The following ACBD6 variants were observed in gnomAD, a reference collection of about 807,000 sequenced individuals.
The protein encoded by ACBD6 is acyl-CoA-binding domain-containing protein 6.
ACBD6 carries 28 observed loss-of-function variants against 37.2 expected under a neutral mutation model. The ratio of observed to expected loss-of-function variants is 0.75; its 90% CI spans 0.56 to 1.03. The LOEUF (loss-of-function observed/expected upper bound fraction) is 1.03. Ranked by LOEUF, ACBD6 falls within the 50% of genes least tolerant of loss-of-function variation. The pLI, the probability that ACBD6 is intolerant of heterozygous loss-of-function variation, is 0.00. For synonymous variants in ACBD6, 113 were observed against 126.8 expected (o/e 0.89, Z 0.73); for missense variants, 340 against 337.4 (o/e 1.01, Z -0.06).
intron 7 of ACBD6, among the ~76,000 whole-genome samples, chr1:180,296,046 A>T (rs2764467): frequency 2.6e-5 from 4 of 152,204 alleles, no homozygotes; most frequent in Non-Finnish European, 5.9e-5. Context: ...GCCAAATAAA[A>T]GTTCTTGAAG....
chr1:180,282,766 T>TAA (rs57263765), intron 8 of ACBD6, among the ~76,000 whole-genome samples: 2 of 148,032 alleles, frequency 1.4e-5, no homozygotes, highest in African/African-American at 4.9e-5. Context: ...GTGCTGGCTT[T>TAA]AAAAAAAAAA....
At chr1:180,455,373 G>A (rs957949081) in intron 3 of ACBD6, among the ~76,000 whole-genome samples, 1 of 152,058 alleles carries the variant, frequency 6.6e-6, no homozygotes, top group African/African-American at 2.4e-5. Context: ...GCCTATCGGG[G>A]GTTGGGGGAC....
At chr1:180,472,779 T>C (rs919238649) in intron 3 of ACBD6, among the ~76,000 whole-genome samples, 3 of 152,188 alleles carry the variant, frequency 2.0e-5, no homozygotes, top group African/African-American at 7.2e-5. Context: ...AATTAATCAT[T>C]ATTATTATTG....
chr1:180,326,758 T>A (rs1651271580), intron 6 of ACBD6, among the ~76,000 whole-genome samples: 1 of 152,136 alleles, frequency 6.6e-6, no homozygotes, highest in African/African-American at 2.4e-5. Context: ...GGCTCTTTAG[T>A]CTGCAGGTGA....
chr1:180,271,832 C>T, exon 14 of ACBD6: 1 of 1,613,714 alleles, frequency 6.2e-7, no homozygotes, highest in South Asian at 1.1e-5. Context: ...GCTTGTGTGG[C>T]AGGTTTGGTT....
intron 3 of ACBD6, among the ~76,000 whole-genome samples, chr1:180,472,781 T>C (rs1334801655): frequency 6.6e-6 from 1 of 152,198 alleles, no homozygotes; most frequent in African/African-American, 2.4e-5. Context: ...TTAATCATTA[T>C]TATTATTGTA....
chr1:180,379,349 A>C (rs1345872851), intron 6 of ACBD6, among the ~76,000 whole-genome samples: 1 of 152,206 alleles, frequency 6.6e-6, no homozygotes, highest in African/African-American at 2.4e-5. Context: ...TGAAAAAGCA[A>C]AGGAATATGA....
chr1:180,464,771 C>T (rs548433794), intron 3 of ACBD6, among the ~76,000 whole-genome samples: 4 of 152,092 alleles, frequency 2.6e-5, no homozygotes, highest in Non-Finnish European at 5.9e-5. Flanking sequence ...AATCACATTA[C>T]CCAACTTGAA....
chr1:180,461,444 T>C (rs779816937), intron 3 of ACBD6, among the ~76,000 whole-genome samples: 1 of 151,942 alleles, frequency 6.6e-6, no homozygotes, highest in South Asian at 2.1e-4. Context: ...GAGAAGATCA[T>C]CTCCAAGACA....
At chr1:180,488,793 C>A (rs1014063173) in intron 3 of ACBD6, among the ~76,000 whole-genome samples, 4 of 152,024 alleles carry the variant, frequency 2.6e-5, no homozygotes, top group Admixed American at 2.6e-4. Context: ...GTTGCCCAGG[C>A]TGCTCTCAAA....
At chr1:180,385,159 A>C (rs1400710131) in intron 6 of ACBD6, among the ~76,000 whole-genome samples, 1 of 151,978 alleles carries the variant, frequency 6.6e-6, no homozygotes, top group African/African-American at 2.4e-5. Flanking sequence ...AGAACCTGAA[A>C]TGTTCTCCAG....
At chr1:180,435,793 G>C in intron 3 of ACBD6, 1 of 918,998 alleles carries the variant, frequency 1.1e-6, no homozygotes, top group Non-Finnish European at 1.8e-6. Context: ...GCTGCTTCTC[G>C]GCTAAAGTGA....
Position 180,424,844 on chromosome 1 carries a change from T to C in ACBD6, c.467+5336A>G, listed in dbSNP as rs542698808. 9.2e-5 allele frequency among the ~76,000 whole-genome samples: 14 copies of C among 152,230 alleles called. No homozygotes were observed. The East Asian group carries it at 2.7e-3, about 29-fold the overall frequency. ...ACCCTTGGTTCAGAAAGGGCTAGAT[T>C]TGTGTACATGCTTGGTTGGCATCAT... On this transcript the variant is annotated intron_variant, in intron 4 of 7. Transcript: ENST00000367595.
In ACBD6 at chr1:180,465,000, C is replaced by A. The variant is rs1260563509; in HGVS notation, c.384+27269G>T. Among the ~76,000 whole-genome samples, 4 of 152,202 alleles carry A rather than the reference C, an allele frequency of 2.6e-5. No homozygotes were observed. In the South Asian group the frequency reaches 6.2e-4, roughly 24 times the overall value. On this transcript the variant is annotated intron_variant, in intron 3 of 7. Transcript: ENST00000367595. ...CCATATATAGAAGATTGAAGCTGAA[C>A]CCCTTCCTTACATCGTACACAAAAA...
chr1:180,476,842 C>CA (rs1650815537), intron 3 of ACBD6, among the ~76,000 whole-genome samples: 1 of 151,648 alleles, frequency 6.6e-6, no homozygotes, highest in Non-Finnish European at 1.5e-5. Context: ...GCACAAAAAA[C>CA]AAAAACAAAC....
At chr1:180,485,650 C>G (rs951124560) in intron 3 of ACBD6, among the ~76,000 whole-genome samples, 1 of 152,196 alleles carries the variant, frequency 6.6e-6, no homozygotes, top group Admixed American at 6.5e-5. Flanking sequence ...TTTCCAACAC[C>G]TCCACAACTG....
intron 6 of ACBD6, among the ~76,000 whole-genome samples, chr1:180,348,292 T>C (rs2101889190): frequency 6.6e-6 from 1 of 152,340 alleles, no homozygotes; most frequent in African/African-American, 2.4e-5. Flanking sequence ...TGTCTTTTTG[T>C]AGCAAATAAA....
chr1:180,295,181 G>C (rs1463431528), intron 7 of ACBD6, among the ~76,000 whole-genome samples: 3 of 151,756 alleles, frequency 2.0e-5, no homozygotes, highest in Non-Finnish European at 4.4e-5. Flanking sequence ...CTTTTTTTGA[G>C]ATAGAAGCTT....
chr1:180,424,434 T>G (rs1352398866), intron 4 of ACBD6, among the ~76,000 whole-genome samples: 2 of 152,122 alleles, frequency 1.3e-5, no homozygotes, highest in Non-Finnish European at 2.9e-5. Context: ...CTAATAAATA[T>G]TAATTAGAAC....
Sources: gnomAD v4.1 joint callset for allele counts (sites outside exome capture counted in the v4.1 genomes callset) on GRCh38, gnomAD v4.1.1 for gene constraint, MANE v1.5 for transcripts, NCBI Gene and HGNC (gene_info 2026-07-23, HGNC 2026-07-21) for gene names.